LDLRAD4: variants seen among roughly 807,000 people sequenced by gnomAD.
LDLRAD4 encodes the protein low density lipoprotein receptor class A domain containing 4.
In LDLRAD4, 5 loss-of-function variants were observed where a neutral mutation model predicts 17.0. That is an observed-to-expected ratio of 0.29 (90% CI 0.15 to 0.62). The LOEUF (loss-of-function observed/expected upper bound fraction) is 0.62. Ranked by LOEUF, LDLRAD4 falls within the 20% of genes least tolerant of loss-of-function variation. The pLI is 0.84. For missense variants in LDLRAD4, 340 were observed against 424.7 expected, an observed-to-expected ratio of 0.80 and a Z score of 1.75; for synonymous variants, 168 against 171.8, an observed-to-expected ratio of 0.98 and a Z score of 0.17.
rs377738167 is a variant in LDLRAD4 at position 13,401,390 on chromosome 18, T to C, written c.40+13628T>C. Among the ~76,000 whole-genome samples the C allele has an allele frequency of 6.9e-4, 104 of 150,494 alleles. No individual in the cohort carries two copies. The South Asian group carries it at 0.02, about 29-fold the overall frequency. ...GCTTTGAAAAAAAAAAAAAAAACTG[T>C]CCCTTTCTCCAACACTGAGTTTCAC... On this transcript the variant is annotated intron_variant, in intron 2 of 5. Transcript: ENST00000359446.
intron 1 of LDLRAD4, among the ~76,000 whole-genome samples, chr18:13,360,619 C>T (rs1047991410): frequency 6.6e-6 from 1 of 152,240 alleles, no homozygotes; most frequent in Non-Finnish European, 1.5e-5. Context: ...TTTCCAATTT[C>T]TGCCTTCAAA....
In LDLRAD4 at chr18:13,380,104, A is replaced by G. The variant is rs562882155; in HGVS notation, c.-382-7237A>G. ...CATTGCCGCTGCTTGGCTGGTGGCCACAGTGGAGGTGTCTGTGATGTGCTC... is the reference window on the plus strand; with the variant it reads ...CATTGCCGCTGCTTGGCTGGTGGCCGCAGTGGAGGTGTCTGTGATGTGCTC... On this transcript the variant is annotated intron_variant, in intron 1 of 5. Coordinates refer to ENST00000359446, the Ensembl canonical transcript of LDLRAD4. Among the ~76,000 whole-genome samples, 260 of 152,278 alleles carry G rather than the reference A, an allele frequency of 1.7e-3. 1 individual carries two copies. The highest frequency in any genetic ancestry group is 3.5e-3 in the Admixed American group (53 of 15,294).
intron 1 of LDLRAD4, among the ~76,000 whole-genome samples, chr18:13,336,338 C>T (rs1220175524): frequency 6.6e-6 from 1 of 152,124 alleles, no homozygotes; most frequent in Non-Finnish European, 1.5e-5. Flanking sequence ...GTTGACTGTT[C>T]TGGGTCCATT....
intron 1 of LDLRAD4, among the ~76,000 whole-genome samples, chr18:13,345,634 T>C (rs1401911441): frequency 6.6e-6 from 1 of 152,212 alleles, no homozygotes; most frequent in Non-Finnish European, 1.5e-5. Context: ...TTTTTATTGA[T>C]TGGAATAGTT....
At chr18:13,323,544 C>T (rs768756471) in intron 1 of LDLRAD4, among the ~76,000 whole-genome samples, 19 of 152,134 alleles carry the variant, frequency 1.2e-4, no homozygotes, top group Non-Finnish European at 2.4e-4. Flanking sequence ...TGAGGTGCCA[C>T]GTTTAAGGAG....
intron 1 of LDLRAD4, among the ~76,000 whole-genome samples, chr18:13,223,017 T>G (rs1031674354): frequency 3.9e-5 from 6 of 152,222 alleles, no homozygotes; most frequent in African/African-American, 1.2e-4. Context: ...TTGGGCATAA[T>G]GTACTTTCAT....
intron 4 of LDLRAD4, among the ~76,000 whole-genome samples, chr18:13,629,060 G>T (rs2041428874): frequency 6.6e-6 from 1 of 152,138 alleles, no homozygotes; most frequent in African/African-American, 2.4e-5. Context: ...TGAACTCCTT[G>T]CCTCAAACGA....
At chr18:13,467,643 C>T (rs776407933) in intron 3 of LDLRAD4, among the ~76,000 whole-genome samples, 1 of 152,226 alleles carries the variant, frequency 6.6e-6, no homozygotes, top group Non-Finnish European at 1.5e-5. Flanking sequence ...AAAAGCTGAT[C>T]TTAAGATTCA....
intron 3 of LDLRAD4, among the ~76,000 whole-genome samples, chr18:13,527,284 G>T (rs1443202087): frequency 6.6e-6 from 1 of 152,286 alleles, no homozygotes; most frequent in Non-Finnish European, 1.5e-5. Flanking sequence ...TGCATGGGAA[G>T]ATGTCTTAAT....
At chr18:13,611,331 C>T (rs1206145169) in intron 3 of LDLRAD4, 1 of 259,184 alleles carries the variant, frequency 3.9e-6, no homozygotes, top group African/African-American at 2.3e-5. Flanking sequence ...AAAGGCTATT[C>T]TGGGCTCCCG....
chr18:13,546,345 A>G (rs143620732), intron 3 of LDLRAD4, among the ~76,000 whole-genome samples: 3 of 152,134 alleles, frequency 2.0e-5, no homozygotes, highest in African/African-American at 7.2e-5. Flanking sequence ...CAACAATAAA[A>G]GATTGAAGAT....
chr18:13,325,316 A>C (rs2081459329), intron 1 of LDLRAD4, among the ~76,000 whole-genome samples: 1 of 152,234 alleles, frequency 6.6e-6, no homozygotes, highest in African/African-American at 2.4e-5. Flanking sequence ...AGGGAGGCCA[A>C]CAGCAGAGCT....
intron 1 of LDLRAD4, among the ~76,000 whole-genome samples, chr18:13,222,159 C>T (rs1035985577): frequency 2.6e-5 from 4 of 152,066 alleles, no homozygotes; most frequent in African/African-American, 4.8e-5. Flanking sequence ...CTCTGTACCC[C>T]CTTCTCAACC....
At chr18:13,631,633 A>G (rs1038518909) in intron 4 of LDLRAD4, among the ~76,000 whole-genome samples, 1 of 152,228 alleles carries the variant, frequency 6.6e-6, no homozygotes, top group Non-Finnish European at 1.5e-5. Flanking sequence ...CAGTATATTA[A>G]AAGGGTTATA....
intron 1 of LDLRAD4, among the ~76,000 whole-genome samples, chr18:13,305,586 C>T (rs2046865735): frequency 6.6e-6 from 1 of 152,188 alleles, no homozygotes; most frequent in African/African-American, 2.4e-5. Context: ...AGGAAGTACC[C>T]CTAGTGATGC....
intron 3 of LDLRAD4, among the ~76,000 whole-genome samples, chr18:13,455,453 T>A (rs1262793426): frequency 6.6e-6 from 1 of 152,168 alleles, no homozygotes; most frequent in Non-Finnish European, 1.5e-5. Context: ...GGTCATGAGA[T>A]GCCCTTGGGT....
chr18:13,379,966 G>GCCCCTGCCCGCCAGC (rs61394393), intron 1 of LDLRAD4, among the ~76,000 whole-genome samples: 66,461 of 145,300 alleles, frequency 0.46, 15,624 homozygotes, highest in Non-Finnish European at 0.48. Flanking sequence ...GCAGAGGCCT[G>GCCCCTGCCCGCCAGC]CCCCTGCCCG....
At chr18:13,610,336 G>A (rs2148706335) in intron 3 of LDLRAD4, among the ~76,000 whole-genome samples, 1 of 127,466 alleles carries the variant, frequency 7.8e-6, no homozygotes, top group South Asian at 2.6e-4. Flanking sequence ...CGCCCAGGCT[G>A]GAGTGAAGTG....
intron 1 of LDLRAD4, among the ~76,000 whole-genome samples, chr18:13,326,026 C>G (rs2081516852): frequency 6.6e-6 from 1 of 152,086 alleles, no homozygotes; most frequent in Non-Finnish European, 1.5e-5. Context: ...CTCGGCCTCC[C>G]AAAGTGCTGG....
Sources: allele counts gnomAD v4.1 joint callset (sites outside exome capture counted in the v4.1 genomes callset), GRCh38; gene constraint gnomAD v4.1.1; transcripts MANE v1.5; gene names NCBI Gene and HGNC (gene_info 2026-07-23, HGNC 2026-07-21).